The following FAM168A variants were observed in gnomAD, a reference collection of about 807,000 sequenced individuals.
FAM168A encodes the protein protein FAM168A.
In FAM168A, 3 loss-of-function variants were observed where a neutral mutation model predicts 28.5. The observed-to-expected ratio is 0.11, with a 90% CI of 0.05 to 0.27. FAM168A has a LOEUF of 0.27. Among genes scored for constraint, FAM168A ranks in the 10% least tolerant of loss-of-function variants. The probability of loss-of-function intolerance (pLI) is 1.00; values close to 1 mark genes in which losing one functional copy is unlikely to be tolerated. For synonymous variants in FAM168A, 122 were observed against 124.2 expected (o/e 0.98, Z 0.12); for missense variants, 222 against 311.5 (o/e 0.71, Z 2.16).
intron 1 of FAM168A, among the ~76,000 whole-genome samples, chr11:73,472,216 A>C (rs1398970069): frequency 2.0e-5 from 3 of 152,192 alleles, no homozygotes; most frequent in African/African-American, 7.2e-5. Flanking sequence ...AGGTTGTTGC[A>C]ATTTTAAATA....
intron 1 of FAM168A, among the ~76,000 whole-genome samples, chr11:73,478,086 A>T (rs1867915915): frequency 6.6e-6 from 1 of 152,226 alleles, no homozygotes; most frequent in Non-Finnish European, 1.5e-5. Flanking sequence ...ACATAAAAAC[A>T]AGAGTCCAAA....
chr11:73,521,935 C>T (rs1209677840), intron 1 of FAM168A, among the ~76,000 whole-genome samples: 2 of 151,986 alleles, frequency 1.3e-5, no homozygotes, highest in African/African-American at 4.8e-5. Context: ...AATTTGGGAA[C>T]AGTAGAGTTC....
At chr11:73,529,904 A>G (rs1943495285) in intron 1 of FAM168A, among the ~76,000 whole-genome samples, 1 of 149,096 alleles carries the variant, frequency 6.7e-6, no homozygotes, top group East Asian at 2.0e-4. Flanking sequence ...CTTCTGCCTC[A>G]GTCTCCAGAG....
intron 1 of FAM168A, among the ~76,000 whole-genome samples, chr11:73,511,266 C>A (rs1855220399): frequency 6.6e-6 from 1 of 151,386 alleles, no homozygotes; most frequent in South Asian, 2.1e-4. Context: ...GAGATGGAGT[C>A]CAGCTCTGTC....
intron 1 of FAM168A, among the ~76,000 whole-genome samples, chr11:73,481,426 G>A (rs1221263484): frequency 6.6e-6 from 1 of 152,086 alleles, no homozygotes; most frequent in African/African-American, 2.4e-5. Flanking sequence ...TCACACAATG[G>A]CTTTAAATTA....
chr11:73,480,724 AAC>A (rs1377723879), intron 1 of FAM168A, among the ~76,000 whole-genome samples: 2 of 128,030 alleles, frequency 1.6e-5, no homozygotes, highest in African/African-American at 5.3e-5. Context: ...ACAAACAAAC[AAC>A]AACAACAACA....
intron 1 of FAM168A, among the ~76,000 whole-genome samples, chr11:73,543,008 T>C (rs983939542): frequency 6.6e-6 from 1 of 152,180 alleles, no homozygotes; most frequent in African/African-American, 2.4e-5. Flanking sequence ...ATTATCAATA[T>C]GACTTGCTCC....
At chr11:73,576,456 T>C (rs955193442) in intron 1 of FAM168A, among the ~76,000 whole-genome samples, 1 of 152,186 alleles carries the variant, frequency 6.6e-6, no homozygotes, top group Non-Finnish European at 1.5e-5. Context: ...AGCCATCAGA[T>C]AAATGGTTTT....
At chr11:73,461,857 G>C (rs1867652338) in intron 2 of FAM168A, among the ~76,000 whole-genome samples, 1 of 152,068 alleles carries the variant, frequency 6.6e-6, no homozygotes, top group African/African-American at 2.4e-5. Context: ...TGGAAAGATA[G>C]GGAAGAAAAG....
chr11:73,486,181 CT>C (rs1868051301), intron 1 of FAM168A, among the ~76,000 whole-genome samples: 1 of 152,124 alleles, frequency 6.6e-6, no homozygotes, highest in African/African-American at 2.4e-5. Flanking sequence ...GAGGGTTTTG[CT>C]TGTTTTGTTG....
intron 1 of FAM168A, among the ~76,000 whole-genome samples, chr11:73,576,025 T>C (rs1403669397): frequency 1.3e-5 from 2 of 152,242 alleles, no homozygotes; most frequent in African/African-American, 4.8e-5. Flanking sequence ...TATAATGGGT[T>C]GTTTGGTGTC....
chr11:73,465,183 T>C (rs1221952166), intron 2 of FAM168A, among the ~76,000 whole-genome samples: 1 of 149,992 alleles, frequency 6.7e-6, no homozygotes, highest in African/African-American at 2.5e-5. Context: ...CAACCAAAGT[T>C]CCATAGCTAA....
chr11:73,523,337 T>A (rs956000543), intron 1 of FAM168A, among the ~76,000 whole-genome samples: 7 of 152,280 alleles, frequency 4.6e-5, no homozygotes, highest in Admixed American at 1.3e-4. Context: ...TTATTTTATT[T>A]ATTTTTTAAG....
intron 1 of FAM168A, among the ~76,000 whole-genome samples, chr11:73,533,566 C>CA (rs1565286639): frequency 9.3e-4 from 116 of 124,112 alleles, no homozygotes; most frequent in Non-Finnish European, 1.2e-3. Flanking sequence ...GGAGAAAAGG[C>CA]CAAAAAAAAA....
chr11:73,432,239 CATGT>C (rs1427051778), intron 2 of FAM168A, among the ~76,000 whole-genome samples: 1 of 152,142 alleles, frequency 6.6e-6, no homozygotes, highest in African/African-American at 2.4e-5. Context: ...TAAACAATGA[CATGT>C]AAGTATCTGT....
intron 1 of FAM168A, chr11:73,580,272 G>A (rs1944227748): frequency 3.6e-6 from 2 of 560,012 alleles, no homozygotes; most frequent in South Asian, 2.8e-5. Context: ...AAAGGCTGAA[G>A]GGGATGCTAA....
At chr11:73,442,841 T>TC (rs924473405) in intron 2 of FAM168A, among the ~76,000 whole-genome samples, 3 of 145,612 alleles carry the variant, frequency 2.1e-5, no homozygotes, top group Admixed American at 6.9e-5. Flanking sequence ...TTTCTTTCTT[T>TC]TTTTTTTTTT....
At chr11:73,430,192 C>T (rs1201884967) in intron 3 of FAM168A, 1 of 157,330 alleles carries the variant, frequency 6.4e-6, no homozygotes, top group Non-Finnish European at 1.4e-5. Context: ...TTTTGAAAAA[C>T]AAGTAGCTTA....
In FAM168A at chr11:73,409,550, C is replaced by A. The variant is rs372550617; in HGVS notation, c.532G>T (p.Ala178Ser). The A allele has an allele frequency of 6.2e-7, 1 of 1,613,868 alleles. No individual in the cohort carries two copies. Among genetic ancestry groups the A allele is most frequent in the Non-Finnish European group, 8.5e-7 (1 of 1,179,894 alleles). ...ATGGCCACACCGTTGGTCCTCGGGG[C>A]GGCAACAGGTGCTGGGTAGATAGCA... The part of the protein sequence containing the change: ...PSAIYPAPVA[A>S]PRTNGVAMGM... The change falls in exon 6 of 8, where the codon GCC becomes TCC. Residue 178 changes from alanine to serine, a missense_variant. This residue lies in a region of FAM168A where 64 missense variants were observed against 94.6 expected (regional missense o/e 0.68). Coordinates refer to ENST00000356467, the MANE Select transcript of FAM168A (RefSeq NM_015159.3).
Sources: allele counts gnomAD v4.1 joint callset (sites outside exome capture counted in the v4.1 genomes callset), GRCh38; gene constraint gnomAD v4.1.1; regional missense constraint gnomAD v4.1.1; transcripts MANE v1.5; gene names NCBI Gene and HGNC (gene_info 2026-07-23, HGNC 2026-07-21).